DSCAM: variants seen among roughly 807,000 people sequenced by gnomAD.
The protein encoded by DSCAM is DS cell adhesion molecule, also known as cell adhesion molecule DSCAM.
DSCAM carries 47 observed loss-of-function variants against 217.7 expected under a neutral mutation model. The observed-to-expected ratio is 0.22, with a 90% CI of 0.17 to 0.28. The LOEUF (loss-of-function observed/expected upper bound fraction) is 0.28, where lower values mean the gene tolerates loss of function less well. DSCAM is among the 10% of genes least tolerant of loss of function. The pLI, the probability that DSCAM is intolerant of heterozygous loss-of-function variation, is 1.00. For synonymous variants in DSCAM, 1,056 were observed against 1,015.3 expected, an observed-to-expected ratio of 1.04 and a Z score of -0.76; for missense variants, 2,080 against 2,618.3, an observed-to-expected ratio of 0.79 and a Z score of 4.49.
At chr21:40,584,941 C>T (rs9981502) in intron 3 of DSCAM, among the ~76,000 whole-genome samples, 67,852 of 151,864 alleles carry the variant, frequency 0.45, 16,059 homozygotes, top group Admixed American at 0.55. Context: ...GCCGTCTTCA[C>T]GGTAATGAGT....
At chr21:40,155,877 T>C (rs936315210) in intron 16 of DSCAM, among the ~76,000 whole-genome samples, 8 of 151,842 alleles carry the variant, frequency 5.3e-5, no homozygotes, top group Non-Finnish European at 1.2e-4. Flanking sequence ...AAGAAGAATC[T>C]TCCTTGGAAC....
intron 1 of DSCAM, among the ~76,000 whole-genome samples, chr21:40,844,065 C>A (rs192413766): frequency 6.6e-6 from 1 of 152,152 alleles, no homozygotes; most frequent in Non-Finnish European, 1.5e-5. Flanking sequence ...TCTTTTATCA[C>A]ACACATTCAG....
chr21:40,681,298 C>T (rs1294845707), intron 3 of DSCAM, among the ~76,000 whole-genome samples: 1 of 152,190 alleles, frequency 6.6e-6, no homozygotes, highest in Admixed American at 6.5e-5. Flanking sequence ...CTGTCCCCTA[C>T]TGGCCCCCAG....
Position 40,281,465 on chromosome 21 carries a change from A to AAT in DSCAM, c.2183-5197_2183-5196dup, listed in dbSNP as rs199708002. On this transcript the variant is annotated intron_variant, in intron 10 of 32. Transcript: ENST00000400454. ...ATCAATCAGTGCATCAGTGGAGAGA[A>AAT]ATATATATATATAGCGGTAGGCAAT... is the stretch of plus-strand genomic sequence containing the variant. Among the ~76,000 whole-genome samples the AAT allele has an allele frequency of 2.0e-5, 3 of 151,736 alleles. No individual in the cohort carries two copies. The East Asian group carries it at 5.8e-4, about 29-fold the overall frequency.
At chr21:40,700,283 G>T (rs1447864307) in intron 2 of DSCAM, among the ~76,000 whole-genome samples, 1 of 152,148 alleles carries the variant, frequency 6.6e-6, no homozygotes, top group Non-Finnish European at 1.5e-5. Context: ...TCATTTGGGG[G>T]TGAAAACATT....
intron 1 of DSCAM, among the ~76,000 whole-genome samples, chr21:40,769,486 G>A (rs772677556): frequency 2.8e-4 from 43 of 152,184 alleles, no homozygotes; most frequent in South Asian, 1.0e-3. Context: ...GGTGGGTATT[G>A]TCAGCATCCT....
At chr21:40,660,691 T>C (rs1453385773) in intron 3 of DSCAM, among the ~76,000 whole-genome samples, 7 of 152,188 alleles carry the variant, frequency 4.6e-5, no homozygotes, top group Non-Finnish European at 1.0e-4. Context: ...ATCTAAAATG[T>C]GAGAAATTCT....
At chr21:40,723,705 T>G (rs1295652903) in intron 1 of DSCAM, among the ~76,000 whole-genome samples, 2 of 152,288 alleles carry the variant, frequency 1.3e-5, no homozygotes, top group East Asian at 3.9e-4. Context: ...GAAGTAACAA[T>G]CTGTATTTTA....
At chr21:40,729,345 C>CCCTTTTTGT (rs2090989800) in intron 1 of DSCAM, among the ~76,000 whole-genome samples, 3 of 152,218 alleles carry the variant, frequency 2.0e-5, no homozygotes, top group Non-Finnish European at 4.4e-5. Flanking sequence ...AAGTGCTGCA[C>CCCTTTTTGT]TCTGTCATGA....
intron 11 of DSCAM, among the ~76,000 whole-genome samples, chr21:40,242,960 T>C (rs1391402205): frequency 6.6e-6 from 1 of 152,204 alleles, no homozygotes; most frequent in East Asian, 1.9e-4. Flanking sequence ...ACAACTTCTG[T>C]CCTTGAAGGT....
chr21:40,724,666 C>T (rs186499897), intron 1 of DSCAM, among the ~76,000 whole-genome samples: 1 of 152,240 alleles, frequency 6.6e-6, no homozygotes, highest in Non-Finnish European at 1.5e-5. Context: ...TGAATTATAA[C>T]CAGAGACTGA....
chr21:40,678,856 A>G (rs1322418677), intron 3 of DSCAM, among the ~76,000 whole-genome samples: 1 of 152,184 alleles, frequency 6.6e-6, no homozygotes, highest in African/African-American at 2.4e-5. Context: ...AAATGCTGTA[A>G]CGCGCCTCTG....
chr21:40,616,685 C>T (rs576162041), intron 3 of DSCAM, among the ~76,000 whole-genome samples: 102 of 152,102 alleles, frequency 6.7e-4, no homozygotes, highest in Non-Finnish European at 6.8e-4. Flanking sequence ...CTGAGTCTCC[C>T]TGAGCCCTGT....
Position 40,807,474 on chromosome 21 carries a change from G to A in DSCAM, c.43+39145C>T, listed in dbSNP as rs537290532. Among the ~76,000 whole-genome samples, 297 of 152,156 alleles carry A rather than the reference G, an allele frequency of 2.0e-3. 4 individuals carry two copies. In the South Asian group the frequency reaches 0.024, roughly 12 times the overall value. ...CAGGAGGTGGGGCGGGATGGGGGTGGAGGGCGAGGGGGAGGACAGGCTTCC... is the reference window on the plus strand; with the variant it reads ...CAGGAGGTGGGGCGGGATGGGGGTGAAGGGCGAGGGGGAGGACAGGCTTCC... On this transcript the variant is annotated intron_variant, in intron 1 of 32. Transcript: ENST00000400454.
At chr21:40,784,333 C>G (rs185363769) in intron 1 of DSCAM, among the ~76,000 whole-genome samples, 1 of 152,104 alleles carries the variant, frequency 6.6e-6, no homozygotes, top group Admixed American at 6.6e-5. Context: ...GGCTCTGATT[C>G]TTTCTTGTCT....
At chr21:40,627,816 G>T (rs947337829) in intron 3 of DSCAM, among the ~76,000 whole-genome samples, 7 of 152,144 alleles carry the variant, frequency 4.6e-5, no homozygotes, top group African/African-American at 1.7e-4. Context: ...CCATTATTTG[G>T]ATTCAGATTT....
rs199832149 is a variant in DSCAM, at chr21:40,078,877, G to A, written c.4521C>T (p.Thr1507=). ...IGWNDGGCPI[T]SFTLEYRPFG... ...AGGGCCTGTACTCTAGTGTGAAGGA[G>A]GTGATGGGGCAGCCGCCATCATTCC... is the stretch of plus-strand genomic sequence containing the variant. Residue 1507 remains threonine, a synonymous_variant, in exon 26 of 33, where the codon ACC becomes ACT. Coordinates refer to ENST00000400454, the MANE Select transcript of DSCAM (RefSeq NM_001389.5). 3.5e-3 allele frequency: 5,602 copies of A among 1,614,236 alleles called. 9 individuals are homozygous for A. Among genetic ancestry groups the A allele is most frequent in the Non-Finnish European group, 4.4e-3 (5,171 of 1,180,038 alleles).
At chr21:40,797,405 T>C (rs2837827) in intron 1 of DSCAM, among the ~76,000 whole-genome samples, 19,416 of 152,228 alleles carry the variant, frequency 0.13, 1,612 homozygotes, top group East Asian at 0.4. Flanking sequence ...GTAATGGAAA[T>C]GAATAATGAT....
chr21:40,636,425 T>C (rs1417966249), intron 3 of DSCAM, among the ~76,000 whole-genome samples: 1 of 152,152 alleles, frequency 6.6e-6, no homozygotes, highest in Non-Finnish European at 1.5e-5. Context: ...GGTGGTTCAC[T>C]GCTTCTGCAG....
Sources: allele counts gnomAD v4.1 joint callset (sites outside exome capture counted in the v4.1 genomes callset), GRCh38; gene constraint gnomAD v4.1.1; transcripts MANE v1.5; gene names NCBI Gene and HGNC (gene_info 2026-07-23, HGNC 2026-07-21).